The following DNAJC10 variants were observed in gnomAD, a reference collection of about 807,000 sequenced individuals.
DNAJC10 encodes the protein endoplasmic reticulum disulfide reductase DNAJC10.
A neutral mutation model predicts 115.0 loss-of-function variants in DNAJC10; 101 were observed. That is an observed-to-expected ratio of 0.88 (90% confidence interval 0.75 to 1.04). DNAJC10 has a LOEUF of 1.04. DNAJC10 is among the 50% of genes least tolerant of loss of function. The probability of loss-of-function intolerance (pLI) is 0.00; values close to 1 mark genes in which losing one functional copy is unlikely to be tolerated. For synonymous variants in DNAJC10, 307 were observed against 301.5 expected (o/e 1.02, Z -0.19); for missense variants, 981 against 928.8 (o/e 1.06, Z -0.73).
intron 22 of DNAJC10, among the ~76,000 whole-genome samples, chr2:182,771,685 A>AT (rs1294534592): frequency 3.3e-5 from 5 of 151,962 alleles, no homozygotes; most frequent in African/African-American, 1.2e-4. Context: ...CCCCTTTATC[A>AT]TTTTTTATTG....
Position 182,758,846 on chromosome 2 carries a change from T to C in DNAJC10, c.1953T>C (p.Asn651=), listed in dbSNP as rs753848328. ...TTTTTTCTTCTCTCAGCAGTTACAATGGTTGGAATAGGGATGCTTATTCCC... is the reference window on the plus strand; with the variant it reads ...TTTTTTCTTCTCTCAGCAGTTACAACGGTTGGAATAGGGATGCTTATTCCC... ...SNKAYHYHSY[N]GWNRDAYSLR... The change falls in exon 20 of 24, where the codon AAT becomes AAC. Residue 651 remains asparagine, a synonymous_variant. Transcript: ENST00000264065. 3.1e-6 allele frequency: 5 copies of C among 1,606,584 alleles called. No homozygotes were observed. Among genetic ancestry groups the C allele is most frequent in the Non-Finnish European group, 4.3e-6 (5 of 1,173,462 alleles).
intron 5 of DNAJC10, 34 bp from the exon 6 acceptor site, chr2:182,728,542 A>G (rs1425859846): frequency 7.4e-6 from 11 of 1,483,274 alleles, no homozygotes; most frequent in Non-Finnish European, 1.0e-5. Context: ...TTTAATAAAT[A>G]ATTCTAAGTT....
At chr2:182,716,800 G>A (rs910489194) in intron 1 of DNAJC10, among the ~76,000 whole-genome samples, 2 of 152,136 alleles carry the variant, frequency 1.3e-5, no homozygotes, top group Admixed American at 1.3e-4. Context: ...CTGCAGTGAT[G>A]GCAATGCGAA....
At chr2:182,716,883 C>A in intron 1 of DNAJC10, 133 bp from the exon 2 acceptor site, 1 of 152,392 alleles carries the variant, frequency 6.6e-6, no homozygotes. Flanking sequence ...CGGCCACACC[C>A]ACGCTGAGAA....
chr2:182,759,100 C>A, intron 20 of DNAJC10, 60 bp from the exon 21 acceptor site: 1 of 1,383,972 alleles, frequency 7.2e-7, no homozygotes, highest in Non-Finnish European at 9.9e-7. Context: ...AATATTATTG[C>A]ATTTCATATG....
chr2:182,732,697 T>G, intron 10 of DNAJC10, 155 bp downstream of exon 10: 1 of 656,492 alleles, frequency 1.5e-6, no homozygotes, highest in Admixed American at 3.3e-5. Flanking sequence ...ATGTGTTTTT[T>G]CCTGAATAAT....
At chr2:182,769,081 T>C (rs574221081) in intron 22 of DNAJC10, among the ~76,000 whole-genome samples, 3 of 152,192 alleles carry the variant, frequency 2.0e-5, no homozygotes, top group Non-Finnish European at 4.4e-5. Flanking sequence ...AGATGTTTGG[T>C]TTTCTGTCCT....
At chr2:182,777,098 T>A in intron 23 of DNAJC10, 23 bp from the exon 24 acceptor site, 2 of 1,377,500 alleles carry the variant, frequency 1.5e-6, no homozygotes, top group Non-Finnish European at 1.9e-6. Context: ...CCTTTCTCTA[T>A]CGCCTTTACA....
intron 5 of DNAJC10, among the ~76,000 whole-genome samples, chr2:182,726,273 AATG>A (rs576601156): frequency 1.1e-4 from 17 of 152,160 alleles, no homozygotes; most frequent in Non-Finnish European, 1.9e-4. Flanking sequence ...ATCTCATTAT[AATG>A]ATCTCATTAT....
At position 182,751,903 on chromosome 2, in the gene DNAJC10, G is replaced by A. The variant is rs1694030717; in HGVS notation, c.1434+118G>A. 5.3e-6 allele frequency: 7 copies of A among 1,330,740 alleles called. No homozygotes were observed. In the East Asian group the frequency reaches 1.6e-4, roughly 31 times the overall value. The allele number at this position is 1,330,740 out of a possible 1,614,324, so 82.4% of individuals were successfully genotyped here. ...ACAAAAACTGTGTCATTCCATTATG[G>A]CCACTAATGCATATTGCTTTTAAAT... On this transcript the variant is annotated intron_variant, in intron 15 of 23. Transcript: ENST00000264065.
intron 16 of DNAJC10, chr2:182,752,622 A>G (rs927095694): frequency 1.3e-5 from 12 of 897,740 alleles, no homozygotes; most frequent in Non-Finnish European, 1.3e-5. Context: ...TTATTTTCTC[A>G]GGTAAATATT....
chr2:182,738,083 A>T (rs1322734259), intron 11 of DNAJC10, among the ~76,000 whole-genome samples: 4 of 152,212 alleles, frequency 2.6e-5, no homozygotes, highest in African/African-American at 4.8e-5. Context: ...TGTATACATT[A>T]TCCTTGAAGT....
chr2:182,732,284 G>A (rs895194175), intron 9 of DNAJC10, among the ~76,000 whole-genome samples: 1 of 151,548 alleles, frequency 6.6e-6, no homozygotes, highest in African/African-American at 2.4e-5. Flanking sequence ...TAAAGGGAGA[G>A]AATGAAAGAA....
At chr2:182,756,757 A>G (rs1019319005) in intron 18 of DNAJC10, among the ~76,000 whole-genome samples, 14 of 151,900 alleles carry the variant, frequency 9.2e-5, no homozygotes, top group South Asian at 2.1e-4. Context: ...CGCAACCTCA[A>G]CCACCCTAGT....
At chr2:182,720,640 G>A (rs773758525) in intron 4 of DNAJC10, among the ~76,000 whole-genome samples, 7 of 152,054 alleles carry the variant, frequency 4.6e-5, no homozygotes, top group Non-Finnish European at 8.8e-5. Flanking sequence ...GTTTGTGTAA[G>A]TACACTCTGT....
Position 182,788,739 on chromosome 2 carries a change from C to T in DNAJC10, c.*11607C>T. The T allele has an allele frequency of 4.6e-6, 2 of 439,478 alleles. No individual in the cohort carries two copies. Among genetic ancestry groups the T allele is most frequent in the East Asian group, 1.4e-4 (2 of 14,204 alleles). The allele number at this position is 439,478 out of a possible 1,614,324, so 27.2% of individuals were successfully genotyped here. The stretch of plus-strand genomic sequence containing the variant: ...CAGAGGAAATCCAGGGAAGTTCCTA[C>T]TTGGGAAAACGGAAAGGTAGACTAT... On this transcript the variant is annotated 3_prime_UTR_variant, in exon 24 of 24. Transcript: ENST00000264065.
intron 22 of DNAJC10, 141 bp from the exon 23 acceptor site, chr2:182,775,175 C>A: frequency 1.8e-6 from 1 of 566,712 alleles, no homozygotes. Context: ...GCATTATTTC[C>A]TTGAAGAGAA....
intron 14 of DNAJC10, among the ~76,000 whole-genome samples, chr2:182,747,348 T>C (rs2105658268): frequency 6.6e-6 from 1 of 152,282 alleles, no homozygotes; most frequent in African/African-American, 2.4e-5. Context: ...CAATATTGAG[T>C]CTTCCTACCC....
chr2:182,778,181 T>A lies in DNAJC10; in HGVS notation c.*1049T>A, dbSNP rs1009715661. On this transcript the variant is annotated 3_prime_UTR_variant, in exon 24 of 24. Transcript: ENST00000264065. ...TTTGGTTTTTCACTCCTGTCCAGTC[T>A]ATTTATTATTCAAATAGGAAAAATT... The A allele has an allele frequency of 6.6e-6, 1 of 152,202 alleles. No homozygotes were observed. The highest frequency in any genetic ancestry group is 1.5e-5 in the Non-Finnish European group (1 of 68,026). The allele number at this position is 152,202 out of a possible 1,614,324, so 9.4% of individuals were successfully genotyped here. A position where few individuals can be genotyped will look rare whatever the true frequency, so the allele number is the denominator to read the frequency against.
Sources: gnomAD v4.1 joint callset for allele counts (sites outside exome capture counted in the v4.1 genomes callset) on GRCh38, gnomAD v4.1.1 for gene constraint, MANE v1.5 for transcripts, NCBI Gene and HGNC (gene_info 2026-07-23, HGNC 2026-07-21) for gene names.